Variants in TAFA2 observed in about 807,000 individuals in gnomAD.
TAFA2 encodes chemokine-like protein TAFA-2.
Under a neutral mutation model 18.8 loss-of-function variants are expected in TAFA2, and 7 were observed. The observed-to-expected ratio is 0.37, with a 90% CI of 0.21 to 0.70. TAFA2 has a LOEUF of 0.70. TAFA2 is among the 30% of genes least tolerant of loss of function. TAFA2 has a pLI of 0.53. For synonymous variants in TAFA2, 60 were observed against 54.2 expected (o/e 1.11, Z -0.47); for missense variants, 122 against 158.1 (o/e 0.77, Z 1.23).
At chr12:61,969,972 G>C (rs1365251065) in intron 1 of TAFA2, among the ~76,000 whole-genome samples, 1 of 151,458 alleles carries the variant, frequency 6.6e-6, no homozygotes, top group East Asian at 1.9e-4. Context: ...GGATGAGAAA[G>C]GAAATACGGT....
Position 62,192,386 on chromosome 12 carries a change from G to C in TAFA2, c.-1129C>G, listed in dbSNP as rs2062630217. 6.6e-6 allele frequency: 1 copy of C among 152,224 alleles called. No homozygotes were observed. Among genetic ancestry groups the C allele is most frequent in the Non-Finnish European group, 1.5e-5 (1 of 68,078 alleles). The allele number at this position is 152,224 out of a possible 1,614,324, so 9.4% of individuals were successfully genotyped here. A position where few individuals can be genotyped will look rare whatever the true frequency, so the allele number is the denominator to read the frequency against. ...TCGCCTGTGTCACTTTGCTAAAGGC[G>C]GGAGGGGAGAAAGAAAGGAGCGGGG... On this transcript the variant is annotated 5_prime_UTR_variant, in exon 1 of 5. Coordinates refer to ENST00000416284, the MANE Select transcript of TAFA2 (RefSeq NM_178539.5).
intron 1 of TAFA2, among the ~76,000 whole-genome samples, chr12:61,991,309 A>G (rs969791090): frequency 2.6e-5 from 4 of 152,228 alleles, no homozygotes; most frequent in African/African-American, 9.6e-5. Context: ...GAGCTATTTA[A>G]CATGCAGATA....
At chr12:61,800,193 G>A (rs903338574) in intron 2 of TAFA2, among the ~76,000 whole-genome samples, 2 of 152,136 alleles carry the variant, frequency 1.3e-5, no homozygotes, top group Non-Finnish European at 2.9e-5. Context: ...CACTATCTAT[G>A]TGCCAGATAT....
rs1872491299 is a variant in TAFA2 at position 61,825,165 on chromosome 12, A to G, written c.106+42155T>C. Among the ~76,000 whole-genome samples the G allele has an allele frequency of 1.3e-5, 2 of 152,174 alleles. 1 individual carries two copies. Among genetic ancestry groups the G allele is most frequent in the South Asian group, 4.1e-4 (2 of 4,834 alleles). On this transcript the variant is annotated intron_variant, in intron 2 of 4. Transcript: ENST00000416284. ...TGAAAGCCATCATGGTTTATTGGAA[A>G]AAGCAAAAGTACAGAACATAGTGTC...
chr12:61,751,950 C>T (rs1454034249), intron 4 of TAFA2, among the ~76,000 whole-genome samples: 1 of 151,630 alleles, frequency 6.6e-6, no homozygotes, highest in Non-Finnish European at 1.5e-5. Context: ...TTTTAAAGGT[C>T]GACCTCTTAA....
rs532348680 is a variant in TAFA2, at chr12:61,891,412, C to T, written c.-1-23986G>A. On this transcript the variant is annotated intron_variant, in intron 1 of 4. Transcript: ENST00000416284. ...CTGTAATCCCAACAGTTTGGGAGGC[C>T]GAGGTGGGCGGATCCCCTGAAGTCA... 9.2e-5 allele frequency among the ~76,000 whole-genome samples: 14 copies of T among 152,186 alleles called. No individual in the cohort carries two copies. The South Asian group carries it at 1.2e-3, about 14-fold the overall frequency.
At chr12:61,764,189 C>T (rs1869683977) in intron 2 of TAFA2, among the ~76,000 whole-genome samples, 1 of 150,668 alleles carries the variant, frequency 6.6e-6, no homozygotes, top group Non-Finnish European at 1.5e-5. Flanking sequence ...TTTACAATTA[C>T]AATAAAGGAG....
At chr12:61,963,607 G>A (rs1592517272) in intron 1 of TAFA2, among the ~76,000 whole-genome samples, 1 of 151,976 alleles carries the variant, frequency 6.6e-6, no homozygotes, top group East Asian at 1.9e-4. Flanking sequence ...CCCTTTGTCA[G>A]ATGGATTGCA....
intron 1 of TAFA2, among the ~76,000 whole-genome samples, chr12:62,147,285 T>G (rs1472311966): frequency 6.9e-6 from 1 of 144,652 alleles, no homozygotes; most frequent in Non-Finnish European, 1.5e-5. Context: ...TGTATATATA[T>G]GTATGTATAT....
At chr12:61,802,422 C>T (rs1435568089) in intron 2 of TAFA2, among the ~76,000 whole-genome samples, 1 of 151,978 alleles carries the variant, frequency 6.6e-6, no homozygotes, top group Non-Finnish European at 1.5e-5. Flanking sequence ...GAATATTATA[C>T]AGCCACAAAA....
chr12:61,975,378 C>A (rs977154686), intron 1 of TAFA2, among the ~76,000 whole-genome samples: 1 of 151,682 alleles, frequency 6.6e-6, no homozygotes, highest in East Asian at 1.9e-4. Context: ...CTTTTAGATT[C>A]CACATATACG....
chr12:62,166,298 GTT>G (rs1277851424), intron 1 of TAFA2, among the ~76,000 whole-genome samples: 2 of 152,150 alleles, frequency 1.3e-5, no homozygotes, highest in Admixed American at 1.3e-4. Context: ...ACAATTGGCA[GTT>G]TATACACTGC....
chr12:61,806,643 C>A (rs2198780), intron 2 of TAFA2, among the ~76,000 whole-genome samples: 42,862 of 152,064 alleles, frequency 0.28, 6,772 homozygotes, highest in South Asian at 0.4. Context: ...AAGTTTGGAA[C>A]TTCCTAGAGA....
chr12:61,856,384 C>G (rs933690591), intron 2 of TAFA2, among the ~76,000 whole-genome samples: 12 of 151,534 alleles, frequency 7.9e-5, no homozygotes, highest in Admixed American at 2.6e-4. Flanking sequence ...TATTAATGGT[C>G]AATAAACCAA....
At chr12:62,177,249 C>T (rs1355492229) in intron 1 of TAFA2, among the ~76,000 whole-genome samples, 1 of 152,214 alleles carries the variant, frequency 6.6e-6, no homozygotes, top group African/African-American at 2.4e-5. Flanking sequence ...AAATACAGAA[C>T]TCTGGGCATG....
Position 61,753,516 on chromosome 12 carries a change from C to T in TAFA2, c.384+106G>A, listed in dbSNP as rs944794422. On this transcript the variant is annotated intron_variant, in intron 4 of 4. Transcript: ENST00000416284. The stretch of plus-strand genomic sequence containing the variant: ...AATGGGGAAAACATATCTTGCAAAA[C>T]TATACTCTTCCATTCCACAATTGCC... 4 of 1,038,260 alleles carry T rather than the reference C, an allele frequency of 3.9e-6. No homozygotes were observed. The African/African-American group carries it at 4.8e-5, about 13-fold the overall frequency. The allele number at this position is 1,038,260 out of a possible 1,614,324, so 64.3% of individuals were successfully genotyped here.
intron 1 of TAFA2, among the ~76,000 whole-genome samples, chr12:62,028,005 A>G (rs1881353401): frequency 6.6e-6 from 1 of 152,134 alleles, no homozygotes; most frequent in African/African-American, 2.4e-5. Flanking sequence ...TCTCCAGTCT[A>G]GGTCTTGGTT....
At chr12:61,941,672 G>A (rs955795971) in intron 1 of TAFA2, among the ~76,000 whole-genome samples, 35 of 152,314 alleles carry the variant, frequency 2.3e-4, no homozygotes, top group Non-Finnish European at 4.1e-4. Flanking sequence ...TTCCCTTTCC[G>A]AGTCAAAGAA....
At chr12:61,727,932 A>G (rs1870248713) in intron 4 of TAFA2, among the ~76,000 whole-genome samples, 1 of 151,750 alleles carries the variant, frequency 6.6e-6, no homozygotes, top group Non-Finnish European at 1.5e-5. Flanking sequence ...TTCAGTTCAA[A>G]CAATTTTTAA....
Sources: gnomAD v4.1 joint callset for allele counts (sites outside exome capture counted in the v4.1 genomes callset) on GRCh38, gnomAD v4.1.1 for gene constraint, MANE v1.5 for transcripts, NCBI Gene and HGNC (gene_info 2026-07-23, HGNC 2026-07-21) for gene names.